Variants in COL2A1 observed in about 807,000 individuals in gnomAD.
COL2A1 encodes the protein collagen type II alpha 1 chain.
A neutral mutation model predicts 204.5 loss-of-function variants in COL2A1; 28 were observed. The observed-to-expected ratio is 0.14, with a 90% confidence interval of 0.10 to 0.19. COL2A1 has a LOEUF of 0.19. Among genes scored for constraint, COL2A1 ranks in the 10% least tolerant of loss-of-function variants. The pLI, the probability that COL2A1 is intolerant of heterozygous loss-of-function variation, is 1.00. For missense variants in COL2A1, 1,388 were observed against 2,027.5 expected (o/e 0.68, Z 6.06); for synonymous variants, 708 against 718.7 (o/e 0.99, Z 0.24).
At chr12:47,982,720 C>G (rs3829736) in intron 33 of COL2A1, 111 bp from the exon 34 acceptor site, 1 of 1,229,910 alleles carries the variant, frequency 8.1e-7, no homozygotes, top group Non-Finnish European at 1.2e-6. Context: ...CCCTTCCTCC[C>G]ATGTAGACCT....
At chr12:47,993,703 T>A in intron 14 of COL2A1, 106 bp downstream of exon 14, 2 of 1,353,688 alleles carry the variant, frequency 1.5e-6, no homozygotes, top group South Asian at 1.2e-5. Context: ...CCAAGGCTGT[T>A]CTGAGGAGCT....
intron 1 of COL2A1, among the ~76,000 whole-genome samples, chr12:48,001,556 G>C (rs1940233510): frequency 6.6e-6 from 1 of 152,148 alleles, no homozygotes; most frequent in South Asian, 2.1e-4. Flanking sequence ...AGGGAGGAGA[G>C]GGGGAAATGC....
chr12:47,991,863 T>A (rs1389908455), intron 16 of COL2A1, among the ~76,000 whole-genome samples: 1 of 152,174 alleles, frequency 6.6e-6, no homozygotes, highest in Non-Finnish European at 1.5e-5. Context: ...TCACACAAAG[T>A]GACCCTGGGG....
intron 22 of COL2A1, 138 bp downstream of exon 22, chr12:47,986,697 C>A: frequency 9.7e-7 from 1 of 1,030,684 alleles, no homozygotes; most frequent in South Asian, 1.3e-5. Flanking sequence ...CCTGTTAAGT[C>A]TCCTCCAGGC....
chr12:47,984,592 G>A lies in COL2A1; in HGVS notation c.1841C>T (p.Pro614Leu), dbSNP rs1939283478. The change falls in exon 28 of 54, where the codon CCT (proline) becomes CTT (leucine). Residue 614 changes from proline to leucine, a missense_variant. By Grantham distance (98) the Pro-to-Leu change is moderately conservative (BLOSUM62 -3). Around this residue, in one of 3 missense-constraint regions of COL2A1, gnomAD observed 884 missense variants for 1,415.8 expected, o/e 0.62. Coordinates refer to ENST00000380518, the MANE Select transcript of COL2A1 (RefSeq NM_001844.5). ...FPGPKGANGE[P>L]GKAGEKGLPG... ...CAGTCCCTTCTCACCAGCTTTGCCA[G>A]GCTCACCCTGAAGGAAAGAGAGGGC... 3.7e-6 allele frequency: 6 copies of A among 1,614,170 alleles called. No homozygotes were observed. The highest frequency in any genetic ancestry group is 2.2e-5 in the South Asian group (2 of 91,082).
intron 1 of COL2A1, among the ~76,000 whole-genome samples, chr12:48,001,904 T>C (rs1940253178): frequency 6.6e-6 from 1 of 152,202 alleles, no homozygotes; most frequent in Non-Finnish European, 1.5e-5. Context: ...TAAGTGATTC[T>C]TTGTGGCAAG....
In COL2A1 at chr12:47,973,974, C is replaced by G. The variant is rs2136504230; in HGVS notation, c.4317+115G>C. The G allele has an allele frequency of 2.0e-6, 3 of 1,477,266 alleles. No individual in the cohort carries two copies. The South Asian group carries it at 3.5e-5, about 17-fold the overall frequency. The allele number at this position is 1,477,266 out of a possible 1,614,324, so 91.5% of individuals were successfully genotyped here. ...ATCTTCTCTACATGACCCTCAAACT[C>G]ATGCCTCTGATGATCCTGTCACTTT... On this transcript the variant is annotated intron_variant, in intron 53 of 53. Transcript: ENST00000380518.
At chr12:48,000,574 CAGAGA>C (rs1940188472) in intron 1 of COL2A1, among the ~76,000 whole-genome samples, 1 of 152,148 alleles carries the variant, frequency 6.6e-6, no homozygotes, top group African/African-American at 2.4e-5. Context: ...AGCCCAGGAG[CAGAGA>C]AGTCTTCTTT....
At position 47,982,727 on chromosome 12, in the gene COL2A1, ACCT is replaced by A. The variant is rs1939165723; in HGVS notation, c.2193+118_2194-119del. Reference sequence around the variant, plus strand: ...TCTTCCTTCCCTTCCTCCCATGTAGACCTCCTTTCCAGCTCCCCCCACTTCTGT... The same window carrying A: ...TCTTCCTTCCCTTCCTCCCATGTAGACCTTTCCAGCTCCCCCCACTTCTGT... On this transcript the variant is annotated intron_variant, in intron 33 of 53. Coordinates refer to ENST00000380518, the MANE Select transcript of COL2A1 (RefSeq NM_001844.5). 3.2e-6 allele frequency: 4 copies of A among 1,240,948 alleles called. No individual in the cohort carries two copies. The South Asian group carries it at 4.8e-5, about 15-fold the overall frequency. 76.9% of individuals were successfully genotyped at this position (1,240,948 alleles called of 1,614,324 possible).
intron 15 of COL2A1, 140 bp from the exon 16 acceptor site, chr12:47,993,071 T>C: frequency 1.2e-6 from 1 of 802,018 alleles, no homozygotes; most frequent in Non-Finnish European, 2.2e-6. Context: ...CTCCTGATGG[T>C]GCTGGCTCCT....
At chr12:48,004,972 G>A (rs1341885550), upstream of COL2A1, among the ~76,000 whole-genome samples, 1 of 152,228 alleles carries the variant, frequency 6.6e-6, no homozygotes, top group Non-Finnish European at 1.5e-5. Flanking sequence ...ACAGGGAGGA[G>A]CCCACAGAGA....
At position 47,976,937 on chromosome 12, in the gene COL2A1, A is replaced by G; in HGVS notation, c.3328-18T>C. The G allele has an allele frequency of 6.3e-7, 1 of 1,587,962 alleles. No homozygotes were observed. ...TGAGGACCCTGGGAACAAGACAGAC[A>G]CCGATTGAGTCAGGTCAGGGCCAGG... On this transcript the variant is annotated intron_variant, in intron 47 of 53. Coordinates refer to ENST00000380518, the MANE Select transcript of COL2A1 (RefSeq NM_001844.5). This position sits in a 1 kb window ranked among gnomAD's most constrained non-coding sequence, Gnocchi z 4.3.
intron 40 of COL2A1, 59 bp downstream of exon 40, chr12:47,979,950 G>T: frequency 2.1e-6 from 3 of 1,437,158 alleles, no homozygotes; most frequent in Non-Finnish European, 2.9e-6. Flanking sequence ...CGCCATGGGA[G>T]CCTCTGGGGC....
chr12:47,977,293 G>C lies in COL2A1; in HGVS notation c.3273+27C>G, dbSNP rs200753657. The C allele has an allele frequency of 1.6e-4, 252 of 1,595,744 alleles. 1 individual carries two copies. The African/African-American group carries it at 3.0e-3, about 19-fold the overall frequency. On this transcript the variant is annotated intron_variant, in intron 46 of 53. Coordinates refer to ENST00000380518, the MANE Select transcript of COL2A1 (RefSeq NM_001844.5). The stretch of plus-strand genomic sequence containing the variant: ...TCAGCCCCACCGCGCAGGGGAAGGC[G>C]GCTTTTACTGAATTCAGGATACTTA...
Position 47,985,014 on chromosome 12 carries a change from G to C in COL2A1, c.1814C>G (p.Pro605Arg). 2 of 1,614,014 alleles carry C rather than the reference G, an allele frequency of 1.2e-6. No homozygotes were observed. Among genetic ancestry groups the C allele is most frequent in the Non-Finnish European group, 1.7e-6 (2 of 1,180,000 alleles). Residue 605 changes from proline (P) to arginine (R), a missense_variant, in exon 27 of 54, where the codon CCT becomes CGT. Physicochemically the swap from Pro to Arg is moderately radical, Grantham distance 103 (BLOSUM62 -2). Coordinates refer to ENST00000380518, the MANE Select transcript of COL2A1 (RefSeq NM_001844.5). ...ACTTACGTTGGCACCTTTGGGGCCA[G>C]GGAAACCCATGACACCAGGCTGCCC... ...ARGQPGVMGFPGPKGANGEPG... is the reference protein window; with the variant it reads ...ARGQPGVMGFRGPKGANGEPG...
intron 29 of COL2A1, 40 bp downstream of exon 29, chr12:47,984,047 T>G: frequency 2.7e-6 from 4 of 1,462,014 alleles, no homozygotes; most frequent in Non-Finnish European, 3.8e-6. Context: ...TCCCAGCCCC[T>G]GCCCCCAGGG....
At position 47,977,631 on chromosome 12, in the gene COL2A1, G is replaced by A. The variant is rs1447163279; in HGVS notation, c.3134C>T (p.Pro1045Leu). 1 of 1,614,066 alleles carries A rather than the reference G, an allele frequency of 6.2e-7. No homozygotes were observed. The highest frequency in any genetic ancestry group is 8.5e-7 in the Non-Finnish European group (1 of 1,180,006). The change falls in exon 45 of 54, where the codon CCC becomes CTC. Residue 1045 changes from proline (P) to leucine (L), a missense_variant. Physicochemically the swap from Pro to Leu is moderately conservative, Grantham distance 98. Transcript: ENST00000380518. Reference protein sequence around the residue: ...GREGSPGADGPPGRDGAAGVK... With the variant: ...GREGSPGADGLPGRDGAAGVK... ...TCCAGCAGCGCCATCTCTGCCAGGG[G>A]GGCCATCAGCACCGGGGCTTCCCTG...
rs55921916 is a variant in COL2A1 at position 47,994,319 on chromosome 12, G to A, written c.816+105C>T. On this transcript the variant is annotated intron_variant, in intron 12 of 53. Transcript: ENST00000380518. Reference sequence around the variant, plus strand: ...CGTGATAAATATAGGGGCTACTGGCGTTTCATCTCAGAAGTGACCTCATTG... The same window carrying A: ...CGTGATAAATATAGGGGCTACTGGCATTTCATCTCAGAAGTGACCTCATTG... 0.062 allele frequency: 77,747 copies of A among 1,257,994 alleles called. 3,014 individuals are homozygous for A. The highest frequency in any genetic ancestry group is 0.14 in the African/African-American group (9,324 of 67,600). The allele number at this position is 1,257,994 out of a possible 1,614,324, so 77.9% of individuals were successfully genotyped here.
At chr12:47,975,222 C>G in intron 51 of COL2A1, 95 bp downstream of exon 51, 1 of 1,487,522 alleles carries the variant, frequency 6.7e-7, no homozygotes, top group Non-Finnish European at 9.2e-7. Flanking sequence ...AGGCCCAGCT[C>G]TGCCCTGTAC....
Sources: allele counts gnomAD v4.1 joint callset (sites outside exome capture counted in the v4.1 genomes callset), GRCh38; gene constraint gnomAD v4.1.1; regional missense constraint gnomAD v4.1.1; non-coding constraint Gnocchi (gnomAD v3.1); transcripts MANE v1.5; gene names NCBI Gene and HGNC (gene_info 2026-07-23, HGNC 2026-07-21).